The following PTPRD variants were observed in gnomAD, a reference collection of about 807,000 sequenced individuals.
The protein encoded by PTPRD is protein tyrosine phosphatase receptor type D, also known as receptor-type tyrosine-protein phosphatase delta.
Under a neutral mutation model 214.5 loss-of-function variants are expected in PTPRD, and 34 were observed. The observed-to-expected ratio is 0.16, with a 90% confidence interval of 0.12 to 0.21. PTPRD has a LOEUF of 0.21. PTPRD is among the 10% of genes least tolerant of loss of function. The pLI is 1.00. For synonymous variants in PTPRD, 1,128 were observed against 845.7 expected, an observed-to-expected ratio of 1.33 and a Z score of -5.79; for missense variants, 2,545 against 2,398.7, an observed-to-expected ratio of 1.06 and a Z score of -1.27.
intron 9 of PTPRD, among the ~76,000 whole-genome samples, chr9:9,388,659 C>T (rs1390195146): frequency 6.6e-6 from 1 of 151,882 alleles, no homozygotes; most frequent in East Asian, 1.9e-4. Context: ...CAGATTGTAC[C>T]AGGAAAGTTT....
chr9:8,519,076 G>A (rs10815899), intron 20 of PTPRD, among the ~76,000 whole-genome samples: 41,657 of 151,920 alleles, frequency 0.27, 6,096 homozygotes, highest in African/African-American at 0.39. Flanking sequence ...AAATTTTCTT[G>A]TAAATGAAAA....
chr9:9,536,274 T>A (rs2076505664), intron 8 of PTPRD, among the ~76,000 whole-genome samples: 2 of 152,052 alleles, frequency 1.3e-5, no homozygotes, highest in African/African-American at 4.8e-5. Context: ...CCTCAGTGCT[T>A]GGCTAAAGAT....
At chr9:9,021,060 A>C (rs2099568135) in intron 10 of PTPRD, among the ~76,000 whole-genome samples, 1 of 152,192 alleles carries the variant, frequency 6.6e-6, no homozygotes, top group African/African-American at 2.4e-5. Context: ...TGCCAATTTA[A>C]CCTTTAAATT....
intron 2 of PTPRD, among the ~76,000 whole-genome samples, chr9:10,360,970 C>A (rs555776868): frequency 6.6e-6 from 1 of 151,664 alleles, no homozygotes; most frequent in Non-Finnish European, 1.5e-5. Context: ...GGCGTGGTGC[C>A]GGGCGCCTGT....
intron 2 of PTPRD, among the ~76,000 whole-genome samples, chr9:10,564,168 A>ATTATTTTTTTT (rs1591017043): frequency 8.4e-5 from 1 of 11,870 alleles, no homozygotes; most frequent in South Asian, 2.6e-3. Flanking sequence ...ACACTAGGCT[A>ATTATTTTTTTT]TTCTTTTTTT....
rs185374507 is a variant in PTPRD at position 8,671,518 on chromosome 9, C to T, written c.65-34674G>A. Among the ~76,000 whole-genome samples the T allele has an allele frequency of 5.7e-4, 86 of 152,026 alleles. No individual in the cohort carries two copies. The East Asian group carries it at 0.015, about 26-fold the overall frequency. On this transcript the variant is annotated intron_variant, in intron 12 of 45. Coordinates refer to ENST00000381196, the MANE Select transcript of PTPRD (RefSeq NM_002839.4). ...TTTAAAACTTATTGCTAGAATTTTC[C>T]TGAATCCATTTTCTAAACTGTAAAG... is the stretch of plus-strand genomic sequence containing the variant.
Position 9,338,855 on chromosome 9 carries a change from T to C in PTPRD, c.-203+58594A>G, listed in dbSNP as rs562381473. Among the ~76,000 whole-genome samples, 142 of 152,086 alleles carry C rather than the reference T, an allele frequency of 9.3e-4. 1 individual carries two copies. Among genetic ancestry groups the C allele is most frequent in the Middle Eastern group, 3.4e-3 (1 of 294 alleles). On this transcript the variant is annotated intron_variant, in intron 9 of 45. Coordinates refer to ENST00000381196, the MANE Select transcript of PTPRD (RefSeq NM_002839.4). ...CATCTCTCCCCTACCCCCTCACCCC[T>C]CGACAGGCCCTGGTGTGTGATATTC...
intron 39 of PTPRD, among the ~76,000 whole-genome samples, chr9:8,351,703 A>C (rs2075497498): frequency 7.2e-6 from 1 of 138,622 alleles, no homozygotes; most frequent in African/African-American, 2.6e-5. Context: ...GTAAGGGGAT[A>C]TAGGAGTCAT....
chr9:9,919,664 A>C (rs1200208758), intron 5 of PTPRD, among the ~76,000 whole-genome samples: 1 of 152,154 alleles, frequency 6.6e-6, no homozygotes, highest in Non-Finnish European at 1.5e-5. Flanking sequence ...ATTGCAGCTT[A>C]ATGATTTGCA....
At chr9:10,376,525 T>C (rs1218575355) in intron 2 of PTPRD, among the ~76,000 whole-genome samples, 1 of 151,726 alleles carries the variant, frequency 6.6e-6, no homozygotes, top group East Asian at 2.0e-4. Context: ...TTACTTGCTT[T>C]ATAAAAATAA....
intron 12 of PTPRD, among the ~76,000 whole-genome samples, chr9:8,640,561 CAA>C (rs201282830): frequency 0.18 from 19,455 of 105,390 alleles, 1,522 homozygotes; most frequent in African/African-American, 0.28. Context: ...AACAAAAAAA[CAA>C]AAAAAAAAAA....
At chr9:8,720,341 G>A (rs981050690) in intron 12 of PTPRD, among the ~76,000 whole-genome samples, 1 of 152,234 alleles carries the variant, frequency 6.6e-6, no homozygotes, top group African/African-American at 2.4e-5. Flanking sequence ...CTTCCAGGCT[G>A]CTGAAGGGCC....
chr9:9,026,153 G>A (rs551446224), intron 10 of PTPRD, among the ~76,000 whole-genome samples: 25 of 151,858 alleles, frequency 1.6e-4, no homozygotes, highest in African/African-American at 5.3e-4. Context: ...CTGATAATTT[G>A]AGCTGAGATC....
chr9:9,401,710 C>G (rs1343043259), intron 8 of PTPRD, among the ~76,000 whole-genome samples: 1 of 151,910 alleles, frequency 6.6e-6, no homozygotes, highest in Non-Finnish European at 1.5e-5. Context: ...CCCATAATCC[C>G]CATGTGTCCT....
At chr9:9,998,875 A>G (rs1459751392) in intron 4 of PTPRD, among the ~76,000 whole-genome samples, 1 of 152,218 alleles carries the variant, frequency 6.6e-6, no homozygotes, top group African/African-American at 2.4e-5. Context: ...GGAAGAAAAG[A>G]CATTTTCTTA....
intron 2 of PTPRD, among the ~76,000 whole-genome samples, chr9:10,534,042 T>G (rs1406875222): frequency 6.6e-6 from 1 of 151,702 alleles, no homozygotes; most frequent in East Asian, 1.9e-4. Context: ...AAATGTATTT[T>G]TATTTGAAAC....
chr9:9,941,030 A>C (rs556991759), intron 4 of PTPRD, among the ~76,000 whole-genome samples: 1 of 152,300 alleles, frequency 6.6e-6, no homozygotes, highest in Admixed American at 6.5e-5. Flanking sequence ...GTCTTGGGCT[A>C]CACATAAGAT....
At chr9:10,134,863 T>C (rs942765845) in intron 3 of PTPRD, among the ~76,000 whole-genome samples, 7 of 152,048 alleles carry the variant, frequency 4.6e-5, no homozygotes, top group African/African-American at 1.7e-4. Flanking sequence ...TTATATTAGA[T>C]CCACAGCAGC....
chr9:8,423,664 T>G (rs1222163399), intron 35 of PTPRD, among the ~76,000 whole-genome samples: 1 of 152,106 alleles, frequency 6.6e-6, no homozygotes, highest in African/African-American at 2.4e-5. Context: ...ACCTTGCCAG[T>G]ATAGGTCTCA....
Sources: allele counts gnomAD v4.1 joint callset (sites outside exome capture counted in the v4.1 genomes callset), GRCh38; gene constraint gnomAD v4.1.1; transcripts MANE v1.5; gene names NCBI Gene and HGNC (gene_info 2026-07-23, HGNC 2026-07-21).